The following OTOGL variants were observed in gnomAD, a reference collection of about 807,000 sequenced individuals.
The protein encoded by OTOGL is otogelin like, also known as otogelin-like protein.
Under a neutral mutation model 318.5 loss-of-function variants are expected in OTOGL, and 285 were observed. The ratio of observed to expected loss-of-function variants is 0.89; its 90% CI spans 0.81 to 0.99. The LOEUF is 0.99. Among genes scored for constraint, OTOGL ranks in the 50% least tolerant of loss-of-function variants. The pLI is 0.00. For missense variants in OTOGL, 2,899 were observed against 2,845.6 expected (o/e 1.02, Z -0.43); for synonymous variants, 987 against 936.5 (o/e 1.05, Z -0.99).
rs757894660 is a variant in OTOGL, at chr12:80,271,748, A to C, written c.2619A>C (p.Leu873=). The change falls in exon 24 of 59, where the codon CTA becomes CTC. Residue 873 remains leucine (L), a synonymous_variant. Transcript: ENST00000547103. ...GVNCETTCAN[L]AMNFTCTPSS... ...ATTGTGAGACTACATGTGCAAACCT[A>C]GCCATGAACTTCACCTGCACCCCAT... 6.2e-7 allele frequency: 1 copy of C among 1,613,198 alleles called. No homozygotes were observed. The highest frequency in any genetic ancestry group is 8.5e-7 in the Non-Finnish European group (1 of 1,179,468).
intron 1 of OTOGL, among the ~76,000 whole-genome samples, chr12:80,179,901 G>C (rs4144977): frequency 0.37 from 55,816 of 152,146 alleles, 12,408 homozygotes; most frequent in Admixed American, 0.52. Context: ...GGACCCATAG[G>C]TAGCCAAACA....
intron 1 of OTOGL, among the ~76,000 whole-genome samples, chr12:80,143,451 A>G (rs1243567405): frequency 6.6e-6 from 1 of 152,064 alleles, no homozygotes; most frequent in Non-Finnish European, 1.5e-5. Flanking sequence ...GGTGATAGAC[A>G]CACCTTCTTT....
At chr12:80,295,511 T>C (rs1038449292) in intron 26 of OTOGL, among the ~76,000 whole-genome samples, 3 of 152,184 alleles carry the variant, frequency 2.0e-5, no homozygotes, top group African/African-American at 4.8e-5. Context: ...TTTTTCTTAC[T>C]ATGAAAATAA....
At chr12:80,179,651 T>C (rs1874781907) in intron 1 of OTOGL, among the ~76,000 whole-genome samples, 1 of 152,190 alleles carries the variant, frequency 6.6e-6, no homozygotes, top group Non-Finnish European at 1.5e-5. Flanking sequence ...ATGGACTAGT[T>C]GGACAGACCA....
At chr12:80,358,437 C>A (rs1890043122) in intron 50 of OTOGL, 88 bp downstream of exon 50, 1 of 1,117,432 alleles carries the variant, frequency 8.9e-7, no homozygotes, top group Non-Finnish European at 1.3e-6. Context: ...TACATCAGAC[C>A]CTTTTTCAAA....
intron 49 of OTOGL, among the ~76,000 whole-genome samples, chr12:80,357,367 C>G (rs1451990196): frequency 6.6e-6 from 1 of 151,984 alleles, no homozygotes; most frequent in East Asian, 1.9e-4. Flanking sequence ...GCTAAATATT[C>G]TGCCTGGTGA....
chr12:80,195,701 G>T (rs1165677611), intron 1 of OTOGL, among the ~76,000 whole-genome samples: 3 of 152,162 alleles, frequency 2.0e-5, no homozygotes, highest in Non-Finnish European at 4.4e-5. Context: ...GGCTCTTTAA[G>T]GGTCACAGTG....
Position 80,302,591 on chromosome 12 carries a change from G to T in OTOGL, c.3064-43G>T. The T allele has an allele frequency of 4.1e-6, 5 of 1,212,478 alleles. No individual in the cohort carries two copies. In the Admixed American group the frequency reaches 1.6e-4, roughly 38 times the overall value. The allele number at this position is 1,212,478 out of a possible 1,614,324, so 75.1% of individuals were successfully genotyped here. Reference sequence around the variant, plus strand: ...ACTAATTTGATATATTTTGGTTAGAGAACTTACTACTCACTTTGTTTATTT... The same window carrying T: ...ACTAATTTGATATATTTTGGTTAGATAACTTACTACTCACTTTGTTTATTT... On this transcript the variant is annotated intron_variant, in intron 27 of 58. Coordinates refer to ENST00000547103, the MANE Select transcript of OTOGL (RefSeq NM_001378609.3).
intron 1 of OTOGL, among the ~76,000 whole-genome samples, chr12:80,187,238 A>C (rs1875354864): frequency 6.6e-6 from 1 of 151,928 alleles, no homozygotes. Flanking sequence ...TTTAGGGACG[A>C]CTTAGGCAAG....
chr12:80,246,236 G>T (rs555923642), intron 11 of OTOGL, among the ~76,000 whole-genome samples: 1 of 149,280 alleles, frequency 6.7e-6, no homozygotes, highest in African/African-American at 2.6e-5. Flanking sequence ...TCCCTGTCTT[G>T]TGCCGGTTTT....
In OTOGL at chr12:80,114,230, T is replaced by C. The variant is rs368177123; in HGVS notation, c.-20+14625T>C. Among the ~76,000 whole-genome samples, 4 of 152,334 alleles carry C rather than the reference T, an allele frequency of 2.6e-5. No individual in the cohort carries two copies. The East Asian group carries it at 5.8e-4, about 22-fold the overall frequency. On this transcript the variant is annotated intron_variant, in intron 1 of 58. Transcript: ENST00000547103. ...TGTCAATGGCCTTTACATTTTGGTT[T>C]GTTTTTGCAGTGGCTGGTACCAGTT...
chr12:80,377,323 T>G, intron 58 of OTOGL, 121 bp downstream of exon 58: 1 of 612,282 alleles, frequency 1.6e-6, no homozygotes, highest in Non-Finnish European at 2.8e-6. Flanking sequence ...TAACTGAGAT[T>G]ATTCCTACAT....
At chr12:80,371,703 A>G (rs1890884163) in intron 56 of OTOGL, among the ~76,000 whole-genome samples, 1 of 152,172 alleles carries the variant, frequency 6.6e-6, no homozygotes, top group Non-Finnish European at 1.5e-5. Flanking sequence ...TATAATGGTC[A>G]TTATTTAGAA....
At chr12:80,346,785 A>G (rs1415116227) in intron 44 of OTOGL, among the ~76,000 whole-genome samples, 1 of 152,182 alleles carries the variant, frequency 6.6e-6, no homozygotes, top group Non-Finnish European at 1.5e-5. Context: ...GAAAGATGGC[A>G]TTTGGGAGAC....
intron 18 of OTOGL, among the ~76,000 whole-genome samples, chr12:80,258,834 G>A (rs143472785): frequency 1.3e-5 from 2 of 152,174 alleles, no homozygotes; most frequent in Non-Finnish European, 2.9e-5. Flanking sequence ...GTGGGAAGAT[G>A]TTGGTCAAAG....
intron 7 of OTOGL, among the ~76,000 whole-genome samples, chr12:80,222,998 C>T (rs1220923518): frequency 6.6e-6 from 1 of 151,864 alleles, no homozygotes; most frequent in Non-Finnish European, 1.5e-5. Context: ...GAGCAGTGTA[C>T]ATTGTACCCA....
intron 15 of OTOGL, 58 bp from the exon 16 acceptor site, chr12:80,254,970 ATCCTCCTCTCTC>A: frequency 8.1e-7 from 1 of 1,241,250 alleles, no homozygotes; most frequent in Non-Finnish European, 1.1e-6. Flanking sequence ...TAATGGTATC[ATCCTCCTCTCTC>A]TCCTCCTCTA....
chr12:80,360,218 T>C (rs1436410010), intron 52 of OTOGL, among the ~76,000 whole-genome samples: 1 of 152,212 alleles, frequency 6.6e-6, no homozygotes. Context: ...GTATTAGTTA[T>C]AAGTATTAGT....
intron 7 of OTOGL, among the ~76,000 whole-genome samples, chr12:80,226,702 A>G (rs1303445648): frequency 5.3e-5 from 8 of 152,114 alleles, no homozygotes; most frequent in African/African-American, 1.7e-4. Flanking sequence ...TGTTCATACT[A>G]GAGAGATAGG....
Sources: gnomAD v4.1 joint callset for allele counts (sites outside exome capture counted in the v4.1 genomes callset) on GRCh38, gnomAD v4.1.1 for gene constraint, MANE v1.5 for transcripts, NCBI Gene and HGNC (gene_info 2026-07-23, HGNC 2026-07-21) for gene names.